Variants in CCDC93 observed in about 807,000 individuals in gnomAD.
CCDC93 encodes the protein coiled-coil domain-containing protein 93.
CCDC93 carries 61 observed loss-of-function variants against 108.2 expected under a neutral mutation model. The ratio of observed to expected loss-of-function variants is 0.56; its 90% CI spans 0.46 to 0.70. The LOEUF (loss-of-function observed/expected upper bound fraction) is 0.70, where lower values mean the gene tolerates loss of function less well. CCDC93 is among the 30% of genes least tolerant of loss of function. CCDC93 has a pLI of 0.00. For missense variants in CCDC93, 685 were observed against 764.2 expected, an observed-to-expected ratio of 0.90 and a Z score of 1.22; for synonymous variants, 276 against 260.4, an observed-to-expected ratio of 1.06 and a Z score of -0.58.
Position 117,918,402 on chromosome 2 carries a change from T to C in CCDC93, c.*1941A>G, listed in dbSNP as rs868766082. The C allele has an allele frequency of 6.6e-6, 1 of 152,058 alleles. No homozygotes were observed. The highest frequency in any genetic ancestry group is 2.1e-4 in the South Asian group (1 of 4,826). 9.4% of individuals were successfully genotyped at this position (152,058 alleles called of 1,614,324 possible). ...AACTCCTATGAAATACAGCTCAAAA[T>C]AAATGCCTGCACTTTCAAAAAGAAT... On this transcript the variant is annotated 3_prime_UTR_variant, in exon 24 of 24. Transcript: ENST00000376300.
At chr2:117,960,976 C>A (rs997895887) in intron 11 of CCDC93, among the ~76,000 whole-genome samples, 2 of 152,078 alleles carry the variant, frequency 1.3e-5, no homozygotes, top group African/African-American at 2.4e-5. Flanking sequence ...TTAAAATACA[C>A]AAGCTATTGA....
At chr2:117,972,153 A>G (rs2104777782) in intron 11 of CCDC93, among the ~76,000 whole-genome samples, 1 of 152,352 alleles carries the variant, frequency 6.6e-6, no homozygotes, top group South Asian at 2.1e-4. Flanking sequence ...GGTTGGGAAA[A>G]AATCCACATG....
At chr2:117,956,630 A>T (rs1407779971) in intron 12 of CCDC93, among the ~76,000 whole-genome samples, 1 of 152,182 alleles carries the variant, frequency 6.6e-6, no homozygotes, top group Non-Finnish European at 1.5e-5. Flanking sequence ...AGTAGGGATG[A>T]TACTGTCTGA....
chr2:117,994,237 C>CAATCTT (rs1337602311), intron 6 of CCDC93, among the ~76,000 whole-genome samples: 1 of 152,166 alleles, frequency 6.6e-6, no homozygotes, highest in East Asian at 1.9e-4. Context: ...CTACATCTAT[C>CAATCTT]AATCTTTTTA....
chr2:117,985,852 C>A, intron 7 of CCDC93, 117 bp downstream of exon 7: 1 of 622,676 alleles, frequency 1.6e-6, no homozygotes, highest in South Asian at 2.1e-5. Flanking sequence ...TGTTGGAAAT[C>A]TCATGGCTGA....
intron 12 of CCDC93, among the ~76,000 whole-genome samples, chr2:117,957,749 A>G (rs1679263917): frequency 6.6e-6 from 1 of 152,148 alleles, no homozygotes; most frequent in South Asian, 2.1e-4. Flanking sequence ...GTTGTTCTGT[A>G]AGTCCATATA....
At chr2:117,928,960 G>A (rs1418067334) in intron 23 of CCDC93, among the ~76,000 whole-genome samples, 6 of 152,182 alleles carry the variant, frequency 3.9e-5, no homozygotes, top group Admixed American at 6.5e-5. Context: ...GTCCTTTGTA[G>A]GGACATGGAT....
Position 117,931,087 on chromosome 2 carries a change from G to C in CCDC93, c.1792C>G (p.Leu598Val). 1 of 1,613,922 alleles carries C rather than the reference G, an allele frequency of 6.2e-7. No individual in the cohort carries two copies. ...RDQLNDQYLE[L>V]LEKQRLYFKT... ...AAGTATAGCCTCTGCTTTTCTAACA[G>C]CTCCAAGTACTGGTCGTTCAACTGG... Residue 598 changes from leucine to valine, a missense_variant, in exon 23 of 24, where the codon CTG (leucine) becomes GTG (valine). By Grantham distance (32) the Leu-to-Val change is conservative (BLOSUM62 1). Coordinates refer to ENST00000376300, the MANE Select transcript of CCDC93 (RefSeq NM_019044.5).
chr2:117,942,897 C>T (rs1018393132), intron 18 of CCDC93, among the ~76,000 whole-genome samples: 2 of 152,244 alleles, frequency 1.3e-5, no homozygotes, highest in African/African-American at 4.8e-5. Flanking sequence ...TTATACTCCT[C>T]TCGCCCTTAA....
intron 6 of CCDC93, among the ~76,000 whole-genome samples, chr2:117,991,462 T>G (rs1405088983): frequency 6.6e-6 from 1 of 151,866 alleles, no homozygotes; most frequent in Non-Finnish European, 1.5e-5. Flanking sequence ...AGAGGAGGAG[T>G]GCCGACACCT....
At chr2:117,988,042 G>A (rs1227292430) in intron 6 of CCDC93, among the ~76,000 whole-genome samples, 2 of 151,800 alleles carry the variant, frequency 1.3e-5, no homozygotes, top group Admixed American at 1.3e-4. Flanking sequence ...AGACACTTAA[G>A]CACTCTGCAA....
intron 6 of CCDC93, 179 bp downstream of exon 6, chr2:117,995,267 A>T (rs1680608344): frequency 3.2e-6 from 2 of 629,772 alleles, no homozygotes; most frequent in Admixed American, 5.4e-5. Flanking sequence ...CCCTGTGCAT[A>T]CTGGTGTCCT....
At chr2:117,946,123 G>T (rs1037678233) in intron 16 of CCDC93, among the ~76,000 whole-genome samples, 1 of 152,058 alleles carries the variant, frequency 6.6e-6, no homozygotes, top group Non-Finnish European at 1.5e-5. Flanking sequence ...TCGTCTCCCC[G>T]CTGGGCATGG....
chr2:118,007,626 G>C (rs936249011), intron 2 of CCDC93, among the ~76,000 whole-genome samples: 2 of 152,170 alleles, frequency 1.3e-5, no homozygotes, highest in African/African-American at 4.8e-5. Flanking sequence ...CCAAGATTGA[G>C]CCATTGCACT....
At chr2:117,983,232 AAAC>A (rs1363022415) in intron 7 of CCDC93, among the ~76,000 whole-genome samples, 1 of 152,130 alleles carries the variant, frequency 6.6e-6, no homozygotes, top group African/African-American at 2.4e-5. Context: ...CATTTCCCCT[AAAC>A]ATCATTTACT....
At chr2:118,008,417 A>C (rs1168662540) in intron 2 of CCDC93, 128 bp downstream of exon 2, 6 of 640,160 alleles carry the variant, frequency 9.4e-6, no homozygotes, top group Non-Finnish European at 1.4e-5. Flanking sequence ...AATGAATCTG[A>C]ATTAGGAAGA....
rs751913744 is a variant in CCDC93 at position 117,920,409 on chromosome 2, CAG to C, written c.1843-15_1843-14del. ...TCTTGCGGCCCTCCTGGAGGGAAAG[CAG>C]AGAGTATAGAGAGAGTGGTGACTAC... On this transcript the variant is annotated splice_polypyrimidine_tract_variant and intron_variant, in intron 23 of 23. Transcript: ENST00000376300. 10 of 1,608,346 alleles carry C rather than the reference CAG, an allele frequency of 6.2e-6. No homozygotes were observed. The highest frequency in any genetic ancestry group is 3.3e-4 in the Middle Eastern group (2 of 6,044).
intron 1 of CCDC93, chr2:118,012,742 T>A (rs1479376163): frequency 6.6e-6 from 1 of 152,216 alleles, no homozygotes; most frequent in Non-Finnish European, 1.5e-5. Context: ...AACATTATGC[T>A]TGTCAGGTTT....
chr2:118,013,327 C>T (rs1677070282), intron 1 of CCDC93, among the ~76,000 whole-genome samples: 1 of 152,244 alleles, frequency 6.6e-6, no homozygotes, highest in Non-Finnish European at 1.5e-5. Context: ...CACACAGCAC[C>T]CCTGGAGTGC....
Sources: gnomAD v4.1 joint callset for allele counts (sites outside exome capture counted in the v4.1 genomes callset) on GRCh38, gnomAD v4.1.1 for gene constraint, MANE v1.5 for transcripts, NCBI Gene and HGNC (gene_info 2026-07-23, HGNC 2026-07-21) for gene names.